NGEF: variants seen among roughly 807,000 people sequenced by gnomAD.
NGEF encodes neuronal guanine nucleotide exchange factor, also known as ephexin-1.
NGEF carries 31 observed loss-of-function variants against 80.9 expected under a neutral mutation model. The observed-to-expected ratio is 0.38, with a 90% CI of 0.29 to 0.52. The LOEUF (loss-of-function observed/expected upper bound fraction) is 0.52, where lower values mean the gene tolerates loss of function less well. Ranked by LOEUF, NGEF falls within the 20% of genes least tolerant of loss-of-function variation. NGEF has a pLI of 0.84. For synonymous variants in NGEF, 371 were observed against 370.2 expected (o/e 1.00, Z -0.03); for missense variants, 709 against 926.2 (o/e 0.77, Z 3.04).
chr2:233,008,825 G>A (rs759279238), intron 1 of NGEF, among the ~76,000 whole-genome samples: 9 of 148,506 alleles, frequency 6.1e-5, no homozygotes, highest in Non-Finnish European at 1.2e-4. Flanking sequence ...TTTTTGAGAC[G>A]GAGTCTTGCT....
At chr2:232,927,260 G>A (rs1244790649) in intron 3 of NGEF, 74 bp from the exon 4 acceptor site, 6 of 1,449,616 alleles carry the variant, frequency 4.1e-6, no homozygotes, top group Non-Finnish European at 4.6e-6. Context: ...AGCGAGGGGC[G>A]TGCGCACAGG....
At chr2:232,929,489 A>G (rs1693175291) in intron 3 of NGEF, among the ~76,000 whole-genome samples, 1 of 152,206 alleles carries the variant, frequency 6.6e-6, no homozygotes, top group South Asian at 2.1e-4. Flanking sequence ...GCTGCCACTT[A>G]GCCCTGGTGC....
rs556789856 is a variant in NGEF at position 232,983,899 on chromosome 2, G to A, written c.-74-8935C>T. On this transcript the variant is annotated intron_variant, in intron 1 of 14. Coordinates refer to ENST00000264051, the MANE Select transcript of NGEF (RefSeq NM_019850.3). The stretch of plus-strand genomic sequence containing the variant: ...GGCTGCCACAGTCCAGCTGGGCCCC[G>A]AGTCCGGGCCTCTCCACCCCAGGGC... Among the ~76,000 whole-genome samples, 13 of 152,294 alleles carry A rather than the reference G, an allele frequency of 8.5e-5. No individual in the cohort carries two copies. In the South Asian group the frequency reaches 1.9e-3, roughly 22 times the overall value.
chr2:232,947,434 G>A (rs1239532597), intron 3 of NGEF, among the ~76,000 whole-genome samples: 4 of 152,156 alleles, frequency 2.6e-5, no homozygotes, highest in African/African-American at 9.7e-5. Flanking sequence ...GGAGGGACCT[G>A]CAAACTCTAC....
intron 1 of NGEF, among the ~76,000 whole-genome samples, chr2:232,991,474 AT>A: frequency 6.6e-6 from 1 of 152,158 alleles, no homozygotes; most frequent in East Asian, 1.9e-4. Flanking sequence ...ATAAATTAAA[AT>A]TTAAAAAAAC....
Position 232,997,498 on chromosome 2 carries a change from A to G in NGEF, c.-75+15570T>C, listed in dbSNP as rs547067431. The stretch of plus-strand genomic sequence containing the variant: ...CCAGAACCCCCGGGCACCTTTGGGA[A>G]TATGCACCCTCCTTGGGCCTACAGT... On this transcript the variant is annotated intron_variant, in intron 1 of 14. Transcript: ENST00000264051. Among the ~76,000 whole-genome samples the G allele has an allele frequency of 2.6e-5, 4 of 152,224 alleles. No individual in the cohort carries two copies. In the South Asian group the frequency reaches 8.3e-4, roughly 32 times the overall value.
intron 1 of NGEF, among the ~76,000 whole-genome samples, chr2:232,983,930 C>T (rs1416134455): frequency 6.6e-6 from 1 of 152,216 alleles, no homozygotes; most frequent in African/African-American, 2.4e-5. Flanking sequence ...AGGGCTACCT[C>T]TTCTCACTCC....
At chr2:232,950,903 G>A (rs1164404471) in intron 3 of NGEF, among the ~76,000 whole-genome samples, 1 of 152,188 alleles carries the variant, frequency 6.6e-6, no homozygotes, top group Non-Finnish European at 1.5e-5. Flanking sequence ...GGGAACAGCT[G>A]ATGAATGTAC....
intron 9 of NGEF, among the ~76,000 whole-genome samples, chr2:232,885,863 T>C (rs1018974928): frequency 6.6e-6 from 1 of 152,236 alleles, no homozygotes; most frequent in African/African-American, 2.4e-5. Context: ...ATGAGCACCA[T>C]GTCCAGGGAA....
chr2:232,983,630 A>G (rs12990766), intron 1 of NGEF, among the ~76,000 whole-genome samples: 42,061 of 152,012 alleles, frequency 0.28, 6,767 homozygotes, highest in East Asian at 0.59. Flanking sequence ...GAGAGGAAGC[A>G]AGAATGTGCG....
At chr2:233,007,430 T>G (rs1695108140) in intron 1 of NGEF, among the ~76,000 whole-genome samples, 1 of 152,162 alleles carries the variant, frequency 6.6e-6, no homozygotes, top group African/African-American at 2.4e-5. Context: ...TGAGCCCTGC[T>G]CAGGCTGATC....
At chr2:232,906,429 G>A (rs1307284879) in intron 5 of NGEF, among the ~76,000 whole-genome samples, 2 of 107,066 alleles carry the variant, frequency 1.9e-5, no homozygotes, top group Admixed American at 9.9e-5. Context: ...CAGCCACCCC[G>A]TCTGGGAGGT....
intron 3 of NGEF, among the ~76,000 whole-genome samples, chr2:232,942,608 A>G (rs62191832): frequency 0.19 from 29,033 of 152,104 alleles, 2,960 homozygotes; most frequent in Non-Finnish European, 0.23. Flanking sequence ...AGAGCTGTCC[A>G]ACTCACGCCT....
Position 232,884,056 on chromosome 2 carries a change from C to T in NGEF, c.1526G>A (p.Arg509Lys). 2 of 1,613,020 alleles carry T rather than the reference C, an allele frequency of 1.2e-6. No individual in the cohort carries two copies. Among genetic ancestry groups the T allele is most frequent in the Non-Finnish European group, 8.5e-7 (1 of 1,179,694 alleles). ...AATTTCGTGGAAGAGCTTCTTGGTCCTCAGGGTCCGGGAGGTCTTGGGGCC... is the reference window on the plus strand; with the variant it reads ...AATTTCGTGGAAGAGCTTCTTGGTCTTCAGGGTCCGGGAGGTCTTGGGGCC... ...MSGPKTSRTLRTKKLFHEIYL... is the reference protein window; with the variant it reads ...MSGPKTSRTLKTKKLFHEIYL... The change falls in exon 11 of 15, where the codon AGG (arginine) becomes AAG (lysine). Residue 509 changes from arginine to lysine, a missense_variant. Arg to Lys is a conservative substitution (Grantham distance 26). This residue lies in a region of NGEF where 426 missense variants were observed against 622.9 expected (regional missense o/e 0.68). Transcript: ENST00000264051.
chr2:232,915,087 A>G (rs1692767469), intron 5 of NGEF, among the ~76,000 whole-genome samples: 1 of 151,354 alleles, frequency 6.6e-6, no homozygotes, highest in African/African-American at 2.4e-5. Context: ...GCTGCAGGCC[A>G]GCCTAAGTAA....
At chr2:232,982,370 A>G (rs901232065) in intron 1 of NGEF, among the ~76,000 whole-genome samples, 2 of 152,178 alleles carry the variant, frequency 1.3e-5, no homozygotes, top group East Asian at 3.9e-4. Context: ...GGGCAGGAAG[A>G]TGGGGCTTAT....
intron 3 of NGEF, among the ~76,000 whole-genome samples, chr2:232,968,119 G>A (rs967286367): frequency 2.0e-5 from 2 of 101,262 alleles, no homozygotes; most frequent in South Asian, 2.9e-4. Flanking sequence ...ACAAAGTTTC[G>A]CTCTTGTTGC....
chr2:232,878,843 A>AT lies in NGEF; in HGVS notation c.*645dup, dbSNP rs1247932044. The stretch of plus-strand genomic sequence containing the variant: ...TAAGGGGCTAGAAGACACAAGTTAC[A>AT]TCCAGCCCATCAGGGAGCCAGAGGC... On this transcript the variant is annotated 3_prime_UTR_variant, in exon 15 of 15. Transcript: ENST00000264051. The AT allele has an allele frequency of 6.6e-6, 1 of 152,632 alleles. No homozygotes were observed. The highest frequency in any genetic ancestry group is 1.5e-5 in the Non-Finnish European group (1 of 68,086). The allele number at this position is 152,632 out of a possible 1,614,324, so 9.5% of individuals were successfully genotyped here.
Position 232,919,917 on chromosome 2 carries a change from A to G in NGEF, c.828+367T>C, listed in dbSNP as rs74486751. Reference sequence around the variant, plus strand: ...GATATGGCAGACCTCCGCCAACCACAGATAACTGGAGCTATGGCATAGTCA... The same window carrying G: ...GATATGGCAGACCTCCGCCAACCACGGATAACTGGAGCTATGGCATAGTCA... On this transcript the variant is annotated intron_variant, in intron 5 of 14. Transcript: ENST00000264051. 4.6e-3 allele frequency among the ~76,000 whole-genome samples: 699 copies of G among 152,316 alleles called. 8 individuals are homozygous for G. Among genetic ancestry groups the G allele is most frequent in the African/African-American group, 0.016 (675 of 41,554 alleles).
Sources: allele counts gnomAD v4.1 joint callset (sites outside exome capture counted in the v4.1 genomes callset), GRCh38; gene constraint gnomAD v4.1.1; regional missense constraint gnomAD v4.1.1; transcripts MANE v1.5; gene names NCBI Gene and HGNC (gene_info 2026-07-23, HGNC 2026-07-21).